NPAS3: variants seen among roughly 807,000 people sequenced by gnomAD.
NPAS3 encodes neuronal PAS domain protein 3.
NPAS3 carries 14 observed loss-of-function variants against 73.1 expected under a neutral mutation model. The observed-to-expected ratio is 0.19, with a 90% CI of 0.13 to 0.30. The LOEUF is 0.30. Among genes scored for constraint, NPAS3 ranks in the 10% least tolerant of loss-of-function variants. NPAS3 has a pLI of 1.00. For missense variants in NPAS3, 1,096 were observed against 1,250.0 expected (o/e 0.88, Z 1.86); for synonymous variants, 620 against 541.5 (o/e 1.14, Z -2.01).
chr14:33,052,731 C>G (rs2138508805), intron 1 of NPAS3, among the ~76,000 whole-genome samples: 1 of 152,276 alleles, frequency 6.6e-6, no homozygotes, highest in Admixed American at 6.5e-5. Flanking sequence ...ACTACGGTGG[C>G]AATACCTAGG....
At chr14:33,159,971 A>G (rs1313825015) in intron 2 of NPAS3, among the ~76,000 whole-genome samples, 1 of 152,260 alleles carries the variant, frequency 6.6e-6, no homozygotes, top group Non-Finnish European at 1.5e-5. Flanking sequence ...GTTTTTCTAA[A>G]TTAAGACTAA....
chr14:32,972,449 T>A (rs2139325879), intron 1 of NPAS3, among the ~76,000 whole-genome samples: 1 of 152,324 alleles, frequency 6.6e-6, no homozygotes, highest in South Asian at 2.1e-4. Flanking sequence ...CAATATAAAA[T>A]ACACACACAT....
chr14:33,748,703 T>C (rs1003187559), intron 7 of NPAS3, among the ~76,000 whole-genome samples: 2 of 152,208 alleles, frequency 1.3e-5, no homozygotes, highest in African/African-American at 4.8e-5. Flanking sequence ...ATTTCCTTGA[T>C]GAAAACAAAG....
intron 4 of NPAS3, among the ~76,000 whole-genome samples, chr14:33,530,525 T>G (rs2053993486): frequency 6.6e-6 from 1 of 152,134 alleles, no homozygotes; most frequent in Non-Finnish European, 1.5e-5. Flanking sequence ...GGCATTTTTG[T>G]ATTTCAAATT....
chr14:33,442,426 AAT>A (rs1253405965), intron 4 of NPAS3, among the ~76,000 whole-genome samples: 1 of 144,324 alleles, frequency 6.9e-6, no homozygotes, highest in Non-Finnish European at 1.5e-5. Context: ...AAAAAAAAAA[AAT>A]TAAAAAACTA....
chr14:33,336,813 C>G (rs944819077), intron 3 of NPAS3, among the ~76,000 whole-genome samples: 4 of 152,130 alleles, frequency 2.6e-5, no homozygotes, highest in Non-Finnish European at 5.9e-5. Context: ...TTCTGCCTAC[C>G]AAAATTTTGT....
At chr14:33,138,827 A>G (rs1245846217) in intron 2 of NPAS3, among the ~76,000 whole-genome samples, 1 of 152,226 alleles carries the variant, frequency 6.6e-6, no homozygotes, top group Non-Finnish European at 1.5e-5. Context: ...TATACTTGAC[A>G]TGCAATGGAA....
At chr14:33,614,922 T>C (rs1322931844) in intron 5 of NPAS3, among the ~76,000 whole-genome samples, 3 of 140,802 alleles carry the variant, frequency 2.1e-5, no homozygotes, top group African/African-American at 8.7e-5. Context: ...TAAGAAGCAA[T>C]GTAAGAATTG....
At chr14:33,015,835 C>T (rs569657879) in intron 1 of NPAS3, among the ~76,000 whole-genome samples, 4 of 152,112 alleles carry the variant, frequency 2.6e-5, no homozygotes, top group Admixed American at 6.5e-5. Flanking sequence ...TTAAATGTTT[C>T]AACAGTAAAC....
intron 9 of NPAS3, among the ~76,000 whole-genome samples, chr14:33,784,812 A>G (rs1225710814): frequency 2.3e-5 from 3 of 127,896 alleles, no homozygotes; most frequent in Admixed American, 9.1e-5. Flanking sequence ...GTACAATGGC[A>G]CGATCTCGGC....
At chr14:33,750,861 C>T (rs373515694) in intron 7 of NPAS3, among the ~76,000 whole-genome samples, 2 of 152,098 alleles carry the variant, frequency 1.3e-5, no homozygotes, top group African/African-American at 4.8e-5. Flanking sequence ...AGGTATGTTC[C>T]AAGGGCAACG....
At chr14:33,786,898 A>C (rs564958169) in intron 9 of NPAS3, among the ~76,000 whole-genome samples, 10 of 152,222 alleles carry the variant, frequency 6.6e-5, no homozygotes, top group African/African-American at 2.4e-4. Context: ...CATTTTGCAC[A>C]CTCTGATATC....
exon 10 of NPAS3, chr14:33,793,919 G>A (rs1431144254): frequency 6.2e-7 from 1 of 1,613,532 alleles, no homozygotes; most frequent in East Asian, 2.2e-5. Flanking sequence ...GTCAGTGTGT[G>A]ACAAAGTACT....
chr14:33,104,210 A>G (rs2042657715), intron 2 of NPAS3, among the ~76,000 whole-genome samples: 1 of 152,198 alleles, frequency 6.6e-6, no homozygotes, highest in Non-Finnish European at 1.5e-5. Flanking sequence ...ACTTATAACA[A>G]GGTCCTTGAG....
At chr14:33,541,324 C>A (rs1313475584) in intron 4 of NPAS3, among the ~76,000 whole-genome samples, 1 of 152,060 alleles carries the variant, frequency 6.6e-6, no homozygotes, top group Non-Finnish European at 1.5e-5. Context: ...AAATTTGGAC[C>A]CAAGCAAGCA....
chr14:33,062,145 T>C (rs1327288867), intron 2 of NPAS3, among the ~76,000 whole-genome samples: 1 of 152,086 alleles, frequency 6.6e-6, no homozygotes, highest in African/African-American at 2.4e-5. Flanking sequence ...AGACTGCATC[T>C]TCGAGAAGAA....
chr14:33,081,170 G>A (rs1334852545), intron 2 of NPAS3, among the ~76,000 whole-genome samples: 1 of 152,150 alleles, frequency 6.6e-6, no homozygotes, highest in Non-Finnish European at 1.5e-5. Flanking sequence ...CGTGTTCAGG[G>A]TGGTATGGCC....
intron 3 of NPAS3, among the ~76,000 whole-genome samples, chr14:33,239,542 GC>G (rs763318305): frequency 6.6e-6 from 1 of 151,828 alleles, no homozygotes; most frequent in Non-Finnish European, 1.5e-5. Context: ...CAGGAAGAAA[GC>G]CTTGCTCACA....
intron 3 of NPAS3, among the ~76,000 whole-genome samples, chr14:33,256,234 A>G (rs1024482661): frequency 6.6e-6 from 1 of 152,198 alleles, no homozygotes; most frequent in Non-Finnish European, 1.5e-5. Flanking sequence ...ATAGATTTCA[A>G]TCCCTTAACA....
Sources: gnomAD v4.1 joint callset for allele counts (sites outside exome capture counted in the v4.1 genomes callset) on GRCh38, gnomAD v4.1.1 for gene constraint, MANE v1.5 for transcripts, NCBI Gene and HGNC (gene_info 2026-07-23, HGNC 2026-07-21) for gene names.